Variants in PDE1A observed in about 807,000 individuals in gnomAD.
PDE1A encodes the protein dual specificity calcium/calmodulin-dependent 3',5'-cyclic nucleotide phosphodiesterase 1A.
PDE1A carries 35 observed loss-of-function variants against 61.7 expected under a neutral mutation model. The ratio of observed to expected loss-of-function variants is 0.57; its 90% CI spans 0.43 to 0.75. The LOEUF (loss-of-function observed/expected upper bound fraction) is 0.75, where lower values mean the gene tolerates loss of function less well. PDE1A is among the 30% of genes least tolerant of loss of function. The pLI, the probability that PDE1A is intolerant of heterozygous loss-of-function variation, is 0.00. For missense variants in PDE1A, 597 were observed against 630.6 expected, an observed-to-expected ratio of 0.95 and a Z score of 0.57; for synonymous variants, 232 against 213.2, an observed-to-expected ratio of 1.09 and a Z score of -0.77.
chr2:182,167,951 A>G, exon 14 of PDE1A: 1 of 1,164,676 alleles, frequency 8.6e-7, no homozygotes, highest in Admixed American at 4.6e-5. Context: ...CTCAAAGAAA[A>G]TTTATTGGCA....
At chr2:182,190,477 C>T (rs1685595332) in intron 10 of PDE1A, among the ~76,000 whole-genome samples, 1 of 152,202 alleles carries the variant, frequency 6.6e-6, no homozygotes, top group Admixed American at 6.5e-5. Context: ...TTACTTCAGA[C>T]ACAGCACAGC....
chr2:182,716,644 T>C, the PDE1A span, among the ~76,000 whole-genome samples: 4 of 152,206 alleles, frequency 2.6e-5, no homozygotes, highest in African/African-American at 4.8e-5. Flanking sequence ...CTCCCTGTTA[T>C]TCACACCACC....
the PDE1A span, among the ~76,000 whole-genome samples, chr2:182,649,153 T>C: frequency 6.6e-6 from 1 of 152,164 alleles, no homozygotes; most frequent in Non-Finnish European, 1.5e-5. Flanking sequence ...TGTGAGTTAG[T>C]TGAGAAGAAA....
Position 182,371,023 on chromosome 2 carries a change from T to C in PDE1A, c.53+55555A>G, listed in dbSNP as rs189764394. On this transcript the variant is annotated intron_variant, in intron 1 of 13. Transcript: ENST00000351439. The stretch of plus-strand genomic sequence containing the variant: ...CTCAAACGCAATCAATTAACATATC[T>C]GAGAAATACAAAGAAAAAGTTTTCC... 1.5e-4 allele frequency among the ~76,000 whole-genome samples: 23 copies of C among 152,250 alleles called. No homozygotes were observed. In the East Asian group the frequency reaches 3.9e-3, roughly 26 times the overall value.
the PDE1A span, among the ~76,000 whole-genome samples, chr2:182,552,103 C>T: frequency 1.3e-5 from 2 of 152,248 alleles, no homozygotes; most frequent in East Asian, 1.9e-4. Context: ...AAAAGATATG[C>T]TATTTGTTTT....
chr2:182,659,044 G>T, the PDE1A span, among the ~76,000 whole-genome samples: 1 of 152,032 alleles, frequency 6.6e-6, no homozygotes, highest in African/African-American at 2.4e-5. Flanking sequence ...TTTATAATCT[G>T]CCTATATTAC....
the PDE1A span, among the ~76,000 whole-genome samples, chr2:182,548,449 G>C: frequency 1.3e-5 from 2 of 152,158 alleles, no homozygotes; most frequent in Admixed American, 6.5e-5. Context: ...GGCAGATTAG[G>C]GGAATGTGGA....
the PDE1A span, among the ~76,000 whole-genome samples, chr2:182,573,907 ATAT>A: frequency 6.9e-6 from 1 of 145,522 alleles, no homozygotes; most frequent in East Asian, 1.9e-4. Context: ...GTATATTTAT[ATAT>A]TATATATATT....
At chr2:182,508,480 G>A (rs1011622254) in intron 2 of PDE1A, among the ~76,000 whole-genome samples, 9 of 151,538 alleles carry the variant, frequency 5.9e-5, no homozygotes, top group South Asian at 2.1e-4. Flanking sequence ...GAGTTAGGTC[G>A]GAAAAACTGG....
intron 1 of PDE1A, among the ~76,000 whole-genome samples, chr2:182,397,911 A>T (rs1465688958): frequency 6.6e-6 from 1 of 152,106 alleles, no homozygotes; most frequent in African/African-American, 2.4e-5. Flanking sequence ...ATTTGGGGAG[A>T]TGAAATTAAC....
At chr2:182,626,784 T>C in the PDE1A span, among the ~76,000 whole-genome samples, 14 of 5,338 alleles carry the variant, frequency 2.6e-3, 1 homozygote, top group African/African-American at 6.0e-3. Context: ...TATATATACA[T>C]ATATATACAT....
At chr2:182,169,965 TACACACACACACACACAC>T (rs5836829) in intron 13 of PDE1A, among the ~76,000 whole-genome samples, 1 of 145,918 alleles carries the variant, frequency 6.9e-6, no homozygotes, top group African/African-American at 2.5e-5. Flanking sequence ...TTCTCTTTCA[TACACACACACACACACAC>T]ACACTCACAC....
chr2:182,217,734 A>T (rs935657140), intron 7 of PDE1A, among the ~76,000 whole-genome samples: 1 of 140,194 alleles, frequency 7.1e-6, no homozygotes, highest in Non-Finnish European at 1.5e-5. Context: ...ATCTCATACC[A>T]GTTAGAATGG....
At chr2:182,306,476 CCA>C (rs148572435) in intron 1 of PDE1A, among the ~76,000 whole-genome samples, 40 of 148,366 alleles carry the variant, frequency 2.7e-4, no homozygotes, top group Non-Finnish European at 3.3e-4. Flanking sequence ...TCATATGGAA[CCA>C]CACACACACA....
At chr2:182,700,728 A>AAAAAAAAAAAAAAAAAAC in the PDE1A span, among the ~76,000 whole-genome samples, 1 of 143,334 alleles carries the variant, frequency 7.0e-6, no homozygotes, top group African/African-American at 2.5e-5. Flanking sequence ...TCTCAAAAAA[A>AAAAAAAAAAAAAAAAAAC]AAAAAAAAAA....
chr2:182,297,241 C>A (rs551504320), intron 1 of PDE1A, among the ~76,000 whole-genome samples: 1 of 152,128 alleles, frequency 6.6e-6, no homozygotes, highest in Non-Finnish European at 1.5e-5. Flanking sequence ...ACTTATTACA[C>A]AAAGCTTCCA....
chr2:182,714,292 G>A, the PDE1A span, among the ~76,000 whole-genome samples: 1 of 151,942 alleles, frequency 6.6e-6, no homozygotes, highest in Non-Finnish European at 1.5e-5. Flanking sequence ...TTAATCCTTG[G>A]TCCACAACTT....
intron 1 of PDE1A, among the ~76,000 whole-genome samples, chr2:182,395,538 G>T (rs1478559047): frequency 1.3e-5 from 2 of 152,182 alleles, no homozygotes; most frequent in Non-Finnish European, 2.9e-5. Context: ...TGCTGCATTT[G>T]GCCCCTCCTA....
chr2:182,180,131 G>C (rs1684629382), intron 13 of PDE1A, among the ~76,000 whole-genome samples: 1 of 152,110 alleles, frequency 6.6e-6, no homozygotes, highest in African/African-American at 2.4e-5. Context: ...GGCAATATCT[G>C]ATACTCAGTG....
Sources: gnomAD v4.1 joint callset for allele counts (sites outside exome capture counted in the v4.1 genomes callset) on GRCh38, gnomAD v4.1.1 for gene constraint, MANE v1.5 for transcripts, NCBI Gene and HGNC (gene_info 2026-07-23, HGNC 2026-07-21) for gene names.